Variants in DNAH7 observed in about 807,000 individuals in gnomAD.
DNAH7 encodes dynein axonemal heavy chain 7, also known as axonemal beta dynein heavy chain 7.
DNAH7 carries 397 observed loss-of-function variants against 444.6 expected under a neutral mutation model. That is an observed-to-expected ratio of 0.89 (90% CI 0.82 to 0.97). DNAH7 has a LOEUF of 0.97. DNAH7 is among the 50% of genes least tolerant of loss of function. The pLI, the probability that DNAH7 is intolerant of heterozygous loss-of-function variation, is 0.00. For missense variants in DNAH7, 4,902 were observed against 4,800.8 expected, an observed-to-expected ratio of 1.02 and a Z score of -0.62; for synonymous variants, 1,636 against 1,624.4, an observed-to-expected ratio of 1.01 and a Z score of -0.17.
At chr2:195,885,620 A>T (rs771661796) in intron 34 of DNAH7, among the ~76,000 whole-genome samples, 20 of 152,212 alleles carry the variant, frequency 1.3e-4, no homozygotes, top group Non-Finnish European at 2.4e-4. Context: ...TATTTTCATT[A>T]AAAAATCCAA....
chr2:195,998,333 G>C (rs761087275), intron 12 of DNAH7, among the ~76,000 whole-genome samples: 4 of 152,174 alleles, frequency 2.6e-5, no homozygotes, highest in Non-Finnish European at 4.4e-5. Flanking sequence ...CCAGCACTTT[G>C]GGAGGCAGAG....
At chr2:195,979,344 G>A (rs1409827256) in intron 15 of DNAH7, among the ~76,000 whole-genome samples, 1 of 151,910 alleles carries the variant, frequency 6.6e-6, no homozygotes, top group Non-Finnish European at 1.5e-5. Flanking sequence ...ACAAACACAT[G>A]GAAATTAAAC....
Position 195,895,165 on chromosome 2 carries a change from C to T in DNAH7, c.4707G>A (p.Leu1569=). ...VKLPKPDYND[L]LAAIKDNCAS... Reference sequence around the variant, plus strand: ...CACAATTGTCTTTGATAGCTGCCAGCAAATCATTGTAATCTGGTTTTGGTA... The same window carrying T: ...CACAATTGTCTTTGATAGCTGCCAGTAAATCATTGTAATCTGGTTTTGGTA... The change falls in exon 30 of 65, where the codon TTG becomes TTA. Residue 1569 remains leucine, a synonymous_variant. Coordinates refer to ENST00000312428, the MANE Select transcript of DNAH7 (RefSeq NM_018897.3). The T allele has an allele frequency of 6.2e-7, 1 of 1,612,694 alleles. No individual in the cohort carries two copies. Among genetic ancestry groups the T allele is most frequent in the Non-Finnish European group, 8.5e-7 (1 of 1,179,130 alleles).
intron 49 of DNAH7, among the ~76,000 whole-genome samples, chr2:195,822,477 C>T (rs1697518547): frequency 6.6e-6 from 1 of 152,144 alleles, no homozygotes; most frequent in Non-Finnish European, 1.5e-5. Flanking sequence ...ACGACACCAT[C>T]CCTTGGGTGC....
intron 57 of DNAH7, 94 bp downstream of exon 57, chr2:195,794,244 T>G: frequency 1.7e-6 from 2 of 1,199,794 alleles, no homozygotes; most frequent in South Asian, 1.3e-5. Flanking sequence ...GCCTATTTAA[T>G]TTTTAGTTTT....
intron 46 of DNAH7, among the ~76,000 whole-genome samples, chr2:195,845,578 C>A (rs1698937038): frequency 6.6e-6 from 1 of 152,154 alleles, no homozygotes; most frequent in African/African-American, 2.4e-5. Flanking sequence ...GCAAAAAGAA[C>A]AAAGCCAGAG....
At chr2:195,795,562 A>T (rs565997615) in intron 56 of DNAH7, among the ~76,000 whole-genome samples, 23 of 152,352 alleles carry the variant, frequency 1.5e-4, no homozygotes, top group Non-Finnish European at 2.4e-4. Context: ...AAAAGGCTAG[A>T]GCATGGAAGT....
intron 19 of DNAH7, among the ~76,000 whole-genome samples, chr2:195,938,807 A>T (rs1264082199): frequency 6.6e-6 from 1 of 152,196 alleles, no homozygotes; most frequent in East Asian, 1.9e-4. Flanking sequence ...TTAAATGAAC[A>T]CAGGCAATAA....
intron 47 of DNAH7, among the ~76,000 whole-genome samples, chr2:195,840,581 T>C (rs1247409851): frequency 1.3e-5 from 2 of 151,782 alleles, no homozygotes; most frequent in East Asian, 1.9e-4. Flanking sequence ...GCAAACAGCA[T>C]GATTGTCTAC....
At chr2:195,803,359 T>G (rs2124826545) in intron 54 of DNAH7, among the ~76,000 whole-genome samples, 1 of 152,364 alleles carries the variant, frequency 6.6e-6, no homozygotes, top group East Asian at 1.9e-4. Flanking sequence ...TGATTCTTCT[T>G]TCTGTCTGCT....
chr2:195,759,392 T>C (rs1694239872), intron 61 of DNAH7, among the ~76,000 whole-genome samples: 1 of 152,116 alleles, frequency 6.6e-6, no homozygotes, highest in Non-Finnish European at 1.5e-5. Context: ...TAAGCAGCAG[T>C]AGCCAGGTAG....
intron 18 of DNAH7, among the ~76,000 whole-genome samples, chr2:195,958,873 A>G (rs965829317): frequency 2.0e-5 from 3 of 152,208 alleles, no homozygotes; most frequent in African/African-American, 4.8e-5. Context: ...GTTTAGCCAG[A>G]TAATAAACAA....
At chr2:195,997,273 GA>G (rs1247261354) in intron 12 of DNAH7, among the ~76,000 whole-genome samples, 5 of 152,146 alleles carry the variant, frequency 3.3e-5, no homozygotes, top group Non-Finnish European at 7.4e-5. Context: ...AGCACTTTGG[GA>G]GGCCGAGGCA....
intron 36 of DNAH7, among the ~76,000 whole-genome samples, chr2:195,879,647 A>C (rs866093392): frequency 6.6e-6 from 1 of 152,148 alleles, no homozygotes; most frequent in Non-Finnish European, 1.5e-5. Context: ...TTTACATTTA[A>C]CACTCAAAAT....
chr2:195,774,996 G>C (rs995609577), intron 60 of DNAH7, among the ~76,000 whole-genome samples: 3 of 152,072 alleles, frequency 2.0e-5, no homozygotes, highest in Admixed American at 1.3e-4. Context: ...TCTTCTAAAG[G>C]AATAACAATA....
At chr2:195,913,132 G>A (rs1405040386) in intron 24 of DNAH7, among the ~76,000 whole-genome samples, 2 of 152,134 alleles carry the variant, frequency 1.3e-5, no homozygotes, top group South Asian at 2.1e-4. Context: ...ATTGCTTTCT[G>A]CTTGCATCCT....
chr2:196,047,977 G>T (rs1040409373), intron 4 of DNAH7, among the ~76,000 whole-genome samples: 3 of 151,920 alleles, frequency 2.0e-5, no homozygotes, highest in African/African-American at 7.2e-5. Flanking sequence ...ATTTTAAAAA[G>T]AAATATAATT....
At chr2:195,961,167 T>C (rs1691074644) in intron 17 of DNAH7, among the ~76,000 whole-genome samples, 1 of 152,206 alleles carries the variant, frequency 6.6e-6, no homozygotes, top group Non-Finnish European at 1.5e-5. Flanking sequence ...TAACATGTTT[T>C]GAGAAAATGT....
chr2:195,953,320 G>A (rs1453124744), intron 19 of DNAH7, among the ~76,000 whole-genome samples: 3 of 152,170 alleles, frequency 2.0e-5, no homozygotes, highest in Non-Finnish European at 4.4e-5. Flanking sequence ...TCGTCCCAGA[G>A]GGGCACCCGC....
Sources: allele counts gnomAD v4.1 joint callset (sites outside exome capture counted in the v4.1 genomes callset), GRCh38; gene constraint gnomAD v4.1.1; transcripts MANE v1.5; gene names NCBI Gene and HGNC (gene_info 2026-07-23, HGNC 2026-07-21).